Variants in GIT1 observed in about 807,000 individuals in gnomAD.
The protein encoded by GIT1 is GIT ArfGAP 1.
A neutral mutation model predicts 91.7 loss-of-function variants in GIT1; 14 were observed. That is an observed-to-expected ratio of 0.15 (90% CI 0.10 to 0.24). The LOEUF (loss-of-function observed/expected upper bound fraction) is 0.24. GIT1 is among the 10% of genes least tolerant of loss of function. GIT1 has a pLI of 1.00. For missense variants in GIT1, 717 were observed against 1,024.9 expected (o/e 0.70, Z 4.10); for synonymous variants, 414 against 418.2 (o/e 0.99, Z 0.12).
In GIT1 at chr17:29,585,021, G is replaced by A. The variant is rs921761382; in HGVS notation, c.53-1405C>T. On this transcript the variant is annotated intron_variant, in intron 1 of 19. Coordinates refer to ENST00000225394, the MANE Select transcript of GIT1 (RefSeq NM_014030.4). ...TCTGTCGCCCAGGCTGGAGTGCAGC[G>A]GGTTTAGGCTTTTTAAGGGACCCCC... Among the ~76,000 whole-genome samples, 16 of 146,964 alleles carry A rather than the reference G, an allele frequency of 1.1e-4. 1 individual carries two copies. The highest frequency in any genetic ancestry group is 7.6e-4 in the Admixed American group (11 of 14,400).
At chr17:29,578,897 G>A in intron 7 of GIT1, 118 bp from the exon 8 acceptor site, 1 of 1,578,740 alleles carries the variant, frequency 6.3e-7, no homozygotes, top group East Asian at 2.2e-5. Flanking sequence ...CCCAGATGCT[G>A]CACACCAAAT....
rs751566927 is a variant in GIT1 at position 29,578,286 on chromosome 17, C to T, written c.883+13G>A. On this transcript the variant is annotated intron_variant, in intron 9 of 19. Transcript: ENST00000225394. ...GGGTCCTCCACGCCAGACACTCCTG[C>T]TCCCTGACTCACCTGCATCATTTTC... 6.2e-7 allele frequency: 1 copy of T among 1,609,292 alleles called. No individual in the cohort carries two copies. The highest frequency in any genetic ancestry group is 8.5e-7 in the Non-Finnish European group (1 of 1,175,594).
At chr17:29,578,028 C>T (rs1485295257) in intron 9 of GIT1, among the ~76,000 whole-genome samples, 1 of 152,146 alleles carries the variant, frequency 6.6e-6, no homozygotes, top group Non-Finnish European at 1.5e-5. Context: ...GGGGGTGGAG[C>T]GGTACCAGGG....
At position 29,581,615 on chromosome 17, in the gene GIT1, G is replaced by A; in HGVS notation, c.718+127C>T. ...GCCTGCAGTAATTTCACAGGAGCCA[G>A]TTGCCTAGCAACATTGCTCCCCAGC... On this transcript the variant is annotated intron_variant, in intron 6 of 19. Coordinates refer to ENST00000225394, the MANE Select transcript of GIT1 (RefSeq NM_014030.4). The surrounding 1 kb of genome is among the most constrained non-coding windows in gnomAD (Gnocchi z 4.8). 1.3e-6 allele frequency: 1 copy of A among 756,540 alleles called. No individual in the cohort carries two copies. 46.9% of individuals were successfully genotyped at this position (756,540 alleles called of 1,614,324 possible). A position where few individuals can be genotyped will look rare whatever the true frequency, so the allele number is the denominator to read the frequency against.
intron 10 of GIT1, 110 bp from the exon 11 acceptor site, chr17:29,577,357 T>C: frequency 3.5e-6 from 3 of 864,956 alleles, no homozygotes; most frequent in Non-Finnish European, 5.6e-6. Context: ...TAACCCCAGC[T>C]AAAGCGTCCC....
intron 7 of GIT1, 191 bp from the exon 8 acceptor site, chr17:29,578,970 C>A (rs1417648591): frequency 6.2e-7 from 1 of 1,613,946 alleles, no homozygotes; most frequent in Non-Finnish European, 8.5e-7. Context: ...ACCTCTGAGA[C>A]ATGCACTTTT....
Position 29,575,409 on chromosome 17 carries a change from T to C in GIT1, c.1888A>G (p.Ser630Gly). 1.2e-6 allele frequency: 2 copies of C among 1,613,398 alleles called. No individual in the cohort carries two copies. The highest frequency in any genetic ancestry group is 1.7e-6 in the Non-Finnish European group (2 of 1,179,560). ...CCAGGATCTAGGTCTCCATCCAGGCTTTCCAGCTCTGGGTGGAAGTCTTCC... is the reference window on the plus strand; with the variant it reads ...CCAGGATCTAGGTCTCCATCCAGGCCTTCCAGCTCTGGGTGGAAGTCTTCC... ...KEEDFHPELE[S>G]LDGDLDPGLP... is the part of the protein sequence containing the mutation. Residue 630 changes from serine (S) to glycine (G), a missense_variant, in exon 18 of 20, where the codon AGC becomes GGC. Coordinates refer to ENST00000225394, the MANE Select transcript of GIT1 (RefSeq NM_014030.4). This position sits in a 1 kb window ranked among gnomAD's most constrained non-coding sequence, Gnocchi z 5.5.
In GIT1 at chr17:29,582,682, G is replaced by C; in HGVS notation, c.405+16C>G. The stretch of plus-strand genomic sequence containing the variant: ...AAGAGGAGGGGGCCACCCATCTGTT[G>C]TAGGGCCCCTCAAACCTTGCTGAGG... On this transcript the variant is annotated intron_variant, in intron 4 of 19. Coordinates refer to ENST00000225394, the MANE Select transcript of GIT1 (RefSeq NM_014030.4). 6.5e-7 allele frequency: 1 copy of C among 1,544,484 alleles called. No individual in the cohort carries two copies. The highest frequency in any genetic ancestry group is 9.0e-7 in the Non-Finnish European group (1 of 1,117,174).
intron 1 of GIT1, among the ~76,000 whole-genome samples, chr17:29,586,125 T>A (rs2033587885): frequency 6.6e-6 from 1 of 152,158 alleles, no homozygotes; most frequent in Non-Finnish European, 1.5e-5. Context: ...AGAGTCAGAA[T>A]GGTGGTTACC....
rs745788224 is a variant in GIT1 at position 29,589,407 on chromosome 17, T to C, written c.-29A>G. The C allele has an allele frequency of 6.0e-5, 57 of 957,648 alleles. 2 individuals are homozygous for C. The South Asian group carries it at 1.2e-3, about 20-fold the overall frequency. 59.3% of individuals were successfully genotyped at this position (957,648 alleles called of 1,614,324 possible). ...CAGCGGCGACGCGGCCGCAGCCCTC[T>C]GGGCCAGCGTGGGGGGCGCGGGCGG... On this transcript the variant is annotated 5_prime_UTR_variant, in exon 1 of 20. Transcript: ENST00000225394. The surrounding 1 kb of genome is among the most constrained non-coding windows in gnomAD (Gnocchi z 5.2).
At chr17:29,582,666 G>C in intron 4 of GIT1, 32 bp downstream of exon 4, 1 of 1,401,826 alleles carries the variant, frequency 7.1e-7, no homozygotes, top group Non-Finnish European at 1.0e-6. Context: ...GAAGAGGAGG[G>C]GGCCACCCAT....
intron 7 of GIT1, among the ~76,000 whole-genome samples, chr17:29,580,281 C>T (rs956715927): frequency 4.6e-5 from 7 of 152,210 alleles, no homozygotes; most frequent in African/African-American, 1.7e-4. Flanking sequence ...TACACATGCA[C>T]GCATGCACAC....
chr17:29,584,543 G>T (rs554977044), intron 1 of GIT1, among the ~76,000 whole-genome samples: 3 of 152,174 alleles, frequency 2.0e-5, no homozygotes, highest in Non-Finnish European at 4.4e-5. Flanking sequence ...AGCTGCATAC[G>T]ACTCAGGCTG....
In GIT1 at chr17:29,589,569, C is replaced by A; in HGVS notation, c.-191G>T. On this transcript the variant is annotated 5_prime_UTR_variant, in exon 1 of 20. Transcript: ENST00000225394. This position sits in a 1 kb window ranked among gnomAD's most constrained non-coding sequence, Gnocchi z 5.2. ...CCGTGCCCGCCTGCCCGCTCGCCCT[C>A]GGGCGCCCTCCGCCCCGCGCCGCCC... is the stretch of plus-strand genomic sequence containing the variant. 1.4e-5 allele frequency: 2 copies of A among 147,752 alleles called. No homozygotes were observed. Among genetic ancestry groups the A allele is most frequent in the South Asian group, 3.6e-4 (2 of 5,520 alleles). The allele number at this position is 147,752 out of a possible 1,614,324, so 9.2% of individuals were successfully genotyped here. A position where few individuals can be genotyped will look rare whatever the true frequency, so the allele number is the denominator to read the frequency against.
At chr17:29,584,214 TTA>T (rs2033504060) in intron 1 of GIT1, among the ~76,000 whole-genome samples, 1 of 152,182 alleles carries the variant, frequency 6.6e-6, no homozygotes, top group Non-Finnish European at 1.5e-5. Flanking sequence ...GCTGGGTACA[TTA>T]TGTGTGATGC....
chr17:29,574,824 G>C lies in GIT1; in HGVS notation c.2164C>G (p.Pro722Ala). 6.2e-7 allele frequency: 1 copy of C among 1,610,312 alleles called. No homozygotes were observed. Residue 722 changes from proline (P) to alanine (A), a missense_variant, in exon 20 of 20, where the codon CCA becomes GCA. Coordinates refer to ENST00000225394, the MANE Select transcript of GIT1 (RefSeq NM_014030.4). ...AAGTCCACTGGGGCGCCGGGCTCTG[G>C]GGGCACTGTCTTCCGGCACTCACTC... ...LQSECRKTVP[P>A]EPGAPVDFQL...
Position 29,575,778 on chromosome 17 carries a change from G to A in GIT1, c.1752+34C>T, listed in dbSNP as rs2033171180. 2 of 1,610,316 alleles carry A rather than the reference G, an allele frequency of 1.2e-6. No homozygotes were observed. The highest frequency in any genetic ancestry group is 2.7e-5 in the African/African-American group (2 of 74,970). On this transcript the variant is annotated intron_variant, in intron 16 of 19. Transcript: ENST00000225394. The surrounding 1 kb of genome is among the most constrained non-coding windows in gnomAD (Gnocchi z 5.5). ...CTGCCCCTAGCCCACACGGCCCCCA[G>A]CCACCCTGTGGGCACTGGGCATGGA...
In GIT1 at chr17:29,577,741, C is replaced by T. The variant is rs762198415; in HGVS notation, c.885G>A (p.Val295=). 2.5e-6 allele frequency: 4 copies of T among 1,596,426 alleles called. No homozygotes were observed. The highest frequency in any genetic ancestry group is 3.4e-6 in the Non-Finnish European group (4 of 1,164,042). The change falls in exon 10 of 20, where the codon GTG becomes GTA. Residue 295 remains valine (V), a splice_region_variant and synonymous_variant. Coordinates refer to ENST00000225394, the MANE Select transcript of GIT1 (RefSeq NM_014030.4). The part of the protein sequence containing the change: ...DEVDRRENDA[V]WLATQNHSTL... ...TGCTGTGGTTTTGGGTAGCCAGCCA[C>T]ACTGTAGGGGACGGACAGGAGCAGA...
intron 1 of GIT1, 147 bp from the exon 2 acceptor site, chr17:29,583,763 GC>G: frequency 1.1e-6 from 1 of 883,374 alleles, no homozygotes. Flanking sequence ...CATCACTACG[GC>G]CAGGTTACCA....
Sources: allele counts gnomAD v4.1 joint callset (sites outside exome capture counted in the v4.1 genomes callset), GRCh38; gene constraint gnomAD v4.1.1; non-coding constraint Gnocchi (gnomAD v3.1); transcripts MANE v1.5; gene names NCBI Gene and HGNC (gene_info 2026-07-23, HGNC 2026-07-21).